Variants in ITGAD observed in about 807,000 individuals in gnomAD.
ITGAD encodes integrin alpha-D.
In ITGAD, 105 loss-of-function variants were observed where a neutral mutation model predicts 139.0. The ratio of observed to expected loss-of-function variants is 0.76; its 90% confidence interval spans 0.65 to 0.89. ITGAD has a LOEUF of 0.89. ITGAD is among the 40% of genes least tolerant of loss of function. The pLI, the probability that ITGAD is intolerant of heterozygous loss-of-function variation, is 0.00. For missense variants in ITGAD, 1,384 were observed against 1,487.3 expected (o/e 0.93, Z 1.14); for synonymous variants, 569 against 598.3 (o/e 0.95, Z 0.71).
chr16:31,395,529 C>T (rs560094898), intron 2 of ITGAD, among the ~76,000 whole-genome samples: 16 of 152,188 alleles, frequency 1.1e-4, no homozygotes, highest in African/African-American at 3.9e-4. Flanking sequence ...GGGAGTACCC[C>T]GAGGGAGTGG....
chr16:31,423,995 T>G (rs2082060674), intron 27 of ITGAD, 37 bp downstream of exon 27: 1 of 1,611,696 alleles, frequency 6.2e-7, no homozygotes, highest in Non-Finnish European at 8.5e-7. Flanking sequence ...TGCCCCAGAC[T>G]CAGGCAGGAC....
chr16:31,407,786 AC>A lies in ITGAD; in HGVS notation c.882del (p.Thr295LeufsTer6). 1 of 1,613,884 alleles carries A rather than the reference AC, an allele frequency of 6.2e-7. No individual in the cohort carries two copies. Among genetic ancestry groups the A allele is most frequent in the Non-Finnish European group, 8.5e-7 (1 of 1,179,842 alleles). On this transcript the variant is annotated frameshift_variant, in exon 9 of 30. Coordinates refer to ENST00000389202, the MANE Select transcript of ITGAD (RefSeq NM_005353.3). LOFTEE classifies it high-confidence loss of function. ...TGCAGGTGGGACACGCTTTCCAGGGACCCACTGCCAGGCAGGAGCTGAATAC... is the reference window on the plus strand; with the variant it reads ...TGCAGGTGGGACACGCTTTCCAGGGACCACTGCCAGGCAGGAGCTGAATAC... ...AIGVGHAFQG[P>X]TARQELNTIS...
intron 1 of ITGAD, among the ~76,000 whole-genome samples, chr16:31,393,725 G>C (rs930484159): frequency 6.6e-6 from 1 of 152,096 alleles, no homozygotes; most frequent in Non-Finnish European, 1.5e-5. Context: ...CACCAGGGAG[G>C]GGGAAAGGTT....
chr16:31,394,129 T>G lies in ITGAD; in HGVS notation c.32-107T>G, dbSNP rs911612179. 2.0e-5 allele frequency: 11 copies of G among 543,160 alleles called. No individual in the cohort carries two copies. The African/African-American group carries it at 3.2e-4, about 16-fold the overall frequency. 33.6% of individuals were successfully genotyped at this position (543,160 alleles called of 1,614,324 possible). A position where few individuals can be genotyped will look rare whatever the true frequency, so the allele number is the denominator to read the frequency against. Reference sequence around the variant, plus strand: ...CTCAGCAACAGAGCGAGACTCCATCTCAAAAAAAAAAAAAAAAAAAAGAAA... The same window carrying G: ...CTCAGCAACAGAGCGAGACTCCATCGCAAAAAAAAAAAAAAAAAAAAGAAA... On this transcript the variant is annotated intron_variant, in intron 1 of 29. Coordinates refer to ENST00000389202, the MANE Select transcript of ITGAD (RefSeq NM_005353.3).
At chr16:31,397,964 G>A (rs939665051) in intron 5 of ITGAD, 55 bp downstream of exon 5, 4 of 1,332,552 alleles carry the variant, frequency 3.0e-6, no homozygotes, top group Non-Finnish European at 4.2e-6. Context: ...CACTGAGGGT[G>A]AGCAGGCGTG....
chr16:31,411,749 G>A (rs750029147), intron 14 of ITGAD, among the ~76,000 whole-genome samples: 4 of 152,362 alleles, frequency 2.6e-5, no homozygotes, highest in Non-Finnish European at 4.4e-5. Context: ...ATCCCTGGCC[G>A]GGCCGGCCAT....
In ITGAD at chr16:31,413,164, C is replaced by T. The variant is rs1304341100; in HGVS notation, c.1914C>T (p.Cys638=). ...AGGTGGCCAAGGCTGTGTACCGGTG[C>T]TGGGAAGAGAAGCCCAGTGCCCTGG... is the stretch of plus-strand genomic sequence containing the variant. The part of the protein sequence containing the change: ...PVEVAKAVYR[C]WEEKPSALEA... The change falls in exon 16 of 30, where the codon TGC becomes TGT. Residue 638 remains cysteine (C), a synonymous_variant. Coordinates refer to ENST00000389202, the MANE Select transcript of ITGAD (RefSeq NM_005353.3). 3 of 1,614,062 alleles carry T rather than the reference C, an allele frequency of 1.9e-6. No individual in the cohort carries two copies. In the Admixed American group the frequency reaches 5.0e-5, roughly 27 times the overall value.
At chr16:31,409,581 G>T (rs1291074627) in intron 10 of ITGAD, among the ~76,000 whole-genome samples, 1 of 152,112 alleles carries the variant, frequency 6.6e-6, no homozygotes, top group Admixed American at 6.6e-5. Context: ...CCCTGAAGGA[G>T]CTGAGGAAGA....
At chr16:31,417,804 A>G (rs1453080286) in intron 20 of ITGAD, among the ~76,000 whole-genome samples, 1 of 152,048 alleles carries the variant, frequency 6.6e-6, no homozygotes, top group Non-Finnish European at 1.5e-5. Context: ...AATATTAGCC[A>G]GGCATGGTGG....
rs1473863678 is a variant in ITGAD at position 31,426,356 on chromosome 16, T to C, written c.*228T>C. On this transcript the variant is annotated 3_prime_UTR_variant, in exon 30 of 30. Transcript: ENST00000389202. ...AAGCAGGCATGGTGCCAGCATAAAT[T>C]TTCATATGCTTAAGAATTGTCACAT... The C allele has an allele frequency of 1.7e-5, 8 of 475,040 alleles. No homozygotes were observed. Among genetic ancestry groups the C allele is most frequent in the Non-Finnish European group, 3.0e-5 (8 of 262,372 alleles). 29.4% of individuals were successfully genotyped at this position (475,040 alleles called of 1,614,324 possible). A position where few individuals can be genotyped will look rare whatever the true frequency, so the allele number is the denominator to read the frequency against.
chr16:31,412,997 C>T lies in ITGAD; in HGVS notation c.1838+29C>T, dbSNP rs753806109. The T allele has an allele frequency of 1.0e-5, 16 of 1,602,032 alleles. No individual in the cohort carries two copies. In the East Asian group the frequency reaches 1.8e-4, roughly 18 times the overall value. ...GCGACTCCCCAACATCCTGCCCTCC[C>T]GCGCTGTGTCTGATTCACCGGTGCT... On this transcript the variant is annotated intron_variant, in intron 15 of 29. Transcript: ENST00000389202.
Position 31,413,105 on chromosome 16 carries a change from A to G in ITGAD, c.1855A>G (p.Lys619Glu), listed in dbSNP as rs368894204. The G allele has an allele frequency of 1.2e-6, 2 of 1,613,958 alleles. No homozygotes were observed. The highest frequency in any genetic ancestry group is 2.7e-5 in the African/African-American group (2 of 74,892). The change falls in exon 16 of 30, where the codon AAA becomes GAA. Residue 619 changes from lysine (K) to glutamate (E), a missense_variant. Physicochemically the swap from Lys to Glu is moderately conservative, Grantham distance 56. Coordinates refer to ENST00000389202, the MANE Select transcript of ITGAD (RefSeq NM_005353.3). The stretch of plus-strand genomic sequence containing the variant: ...GCCCCTCAGGAGTCTGCCGGTGCTG[A>G]AAGTGGGGGTGGCCATGAGATTCAG... ...VLLLRSLPVL[K>E]VGVAMRFSPV...
intron 1 of ITGAD, 106 bp from the exon 2 acceptor site, chr16:31,394,130 C>CAAAAAAAAAA (rs943198130): frequency 8.2e-5 from 34 of 416,976 alleles, no homozygotes; most frequent in African/African-American, 4.3e-4. Context: ...GACTCCATCT[C>CAAAAAAAAAA]AAAAAAAAAA....
At chr16:31,412,288 C>G (rs2081744355) in intron 14 of ITGAD, among the ~76,000 whole-genome samples, 1 of 152,186 alleles carries the variant, frequency 6.6e-6, no homozygotes, top group Non-Finnish European at 1.5e-5. Flanking sequence ...AGGTGATCTG[C>G]TTGTCTCAGC....
intron 6 of ITGAD, chr16:31,402,510 A>G (rs1317995497): frequency 7.1e-6 from 2 of 280,120 alleles, no homozygotes; most frequent in Non-Finnish European, 6.7e-6. Context: ...TAATTTTGCT[A>G]TGGAATTTGA....
chr16:31,423,774 T>G, intron 26 of ITGAD, 71 bp from the exon 27 acceptor site: 1 of 1,571,692 alleles, frequency 6.4e-7, no homozygotes, highest in South Asian at 1.1e-5. Context: ...ACCCCAAACC[T>G]GACCATATTT....
intron 14 of ITGAD, 83 bp from the exon 15 acceptor site, chr16:31,412,755 C>A: frequency 6.4e-7 from 1 of 1,566,714 alleles, no homozygotes; most frequent in Non-Finnish European, 8.7e-7. Flanking sequence ...TGCCACCATC[C>A]TACCTCCATA....
intron 5 of ITGAD, 137 bp downstream of exon 5, chr16:31,398,046 G>A (rs761134103): frequency 1.6e-6 from 1 of 629,744 alleles, no homozygotes; most frequent in East Asian, 2.8e-5. Context: ...AGGAGAAGAG[G>A]GTGGCTCAGG....
At position 31,414,548 on chromosome 16, in the gene ITGAD, T is replaced by C. The variant is rs769827661; in HGVS notation, c.2094T>C (p.Thr698=). The C allele has an allele frequency of 1.9e-6, 3 of 1,614,148 alleles. No individual in the cohort carries two copies. Among genetic ancestry groups the C allele is most frequent in the Non-Finnish European group, 2.5e-6 (3 of 1,180,022 alleles). The change falls in exon 17 of 30, where the codon ACT becomes ACC. Residue 698 remains threonine, a synonymous_variant. Transcript: ENST00000389202. ...IFNETKNPTL[T]RRKTLGLGIH... is the part of the protein sequence containing the mutation. ...ATGAAACCAAGAACCCCACTTTGAC[T>C]CGAAGAAAAACCCTGGGACTGGGGA...
Sources: gnomAD v4.1 joint callset for allele counts (sites outside exome capture counted in the v4.1 genomes callset) on GRCh38, gnomAD v4.1.1 for gene constraint, MANE v1.5 for transcripts, NCBI Gene and HGNC (gene_info 2026-07-23, HGNC 2026-07-21) for gene names.